PRKCE: variants seen among roughly 807,000 people sequenced by gnomAD.
PRKCE encodes protein kinase C epsilon type.
Under a neutral mutation model 85.4 loss-of-function variants are expected in PRKCE, and 16 were observed. The observed-to-expected ratio is 0.19, with a 90% CI of 0.13 to 0.28. The LOEUF (loss-of-function observed/expected upper bound fraction) is 0.28. PRKCE is among the 10% of genes least tolerant of loss of function. PRKCE has a pLI of 1.00. For synonymous variants in PRKCE, 388 were observed against 371.5 expected (o/e 1.04, Z -0.51); for missense variants, 573 against 975.2 (o/e 0.59, Z 5.49).
At chr2:45,993,102 G>C (rs1049097403) in intron 6 of PRKCE, among the ~76,000 whole-genome samples, 43 of 151,960 alleles carry the variant, frequency 2.8e-4, no homozygotes, top group Non-Finnish European at 5.4e-4. Context: ...GAGTGGATTG[G>C]CAGCAGGGGC....
In PRKCE at chr2:46,186,317, A is replaced by C. The variant is rs910490565; in HGVS notation, c.*1436A>C. On this transcript the variant is annotated 3_prime_UTR_variant, in exon 15 of 15. Coordinates refer to ENST00000306156, the MANE Select transcript of PRKCE (RefSeq NM_005400.3). Reference sequence around the variant, plus strand: ...CACGTGGATTTCCCAGCTGCCCCTAAATATATATACTTGTGAGTGGCAAAG... The same window carrying C: ...CACGTGGATTTCCCAGCTGCCCCTACATATATATACTTGTGAGTGGCAAAG... 1 of 152,596 alleles carries C rather than the reference A, an allele frequency of 6.6e-6. No homozygotes were observed. Among genetic ancestry groups the C allele is most frequent in the Non-Finnish European group, 1.5e-5 (1 of 68,038 alleles). The allele number at this position is 152,596 out of a possible 1,614,324, so 9.5% of individuals were successfully genotyped here. A position where few individuals can be genotyped will look rare whatever the true frequency, so the allele number is the denominator to read the frequency against.
At chr2:45,782,088 G>T (rs1686235174) in intron 1 of PRKCE, among the ~76,000 whole-genome samples, 2 of 152,090 alleles carry the variant, frequency 1.3e-5, no homozygotes, top group African/African-American at 4.8e-5. Context: ...CAAATTAAGG[G>T]CCAGCCTTCA....
At chr2:46,164,139 G>A (rs1049774143) in intron 14 of PRKCE, among the ~76,000 whole-genome samples, 40 of 152,222 alleles carry the variant, frequency 2.6e-4, no homozygotes, top group Non-Finnish European at 1.5e-5. Flanking sequence ...AGGGAAGAGG[G>A]AAAACTGGTT....
intron 1 of PRKCE, among the ~76,000 whole-genome samples, chr2:45,717,648 A>G (rs1434876099): frequency 6.6e-6 from 1 of 152,266 alleles, no homozygotes; most frequent in Non-Finnish European, 1.5e-5. Context: ...GGTGATGATG[A>G]TATTTAATTT....
chr2:46,042,875 C>T (rs1708293947), intron 10 of PRKCE, among the ~76,000 whole-genome samples: 6 of 152,216 alleles, frequency 3.9e-5, no homozygotes, highest in Admixed American at 3.9e-4. Flanking sequence ...TTTTGATTGC[C>T]ACGCAATGTT....
chr2:45,927,709 C>T (rs1044043960), intron 2 of PRKCE, among the ~76,000 whole-genome samples: 2 of 152,222 alleles, frequency 1.3e-5, no homozygotes, highest in Non-Finnish European at 2.9e-5. Flanking sequence ...GAGGCTGATA[C>T]TCTCTCCTGC....
chr2:45,939,397 G>A (rs750638229), intron 2 of PRKCE, among the ~76,000 whole-genome samples: 3 of 152,026 alleles, frequency 2.0e-5, no homozygotes, highest in Non-Finnish European at 2.9e-5. Context: ...CCTTCCTTCC[G>A]CATGTTGCTC....
intron 11 of PRKCE, among the ~76,000 whole-genome samples, chr2:46,131,393 A>T (rs965320): frequency 0.75 from 113,593 of 152,162 alleles, 44,287 homozygotes; most frequent in South Asian, 0.92. Flanking sequence ...GAAGTTACAT[A>T]TCAAGCCATA....
At chr2:46,029,740 T>C (rs1266953635) in intron 10 of PRKCE, among the ~76,000 whole-genome samples, 1 of 151,472 alleles carries the variant, frequency 6.6e-6, no homozygotes, top group Non-Finnish European at 1.5e-5. Flanking sequence ...CTCCTGAGCC[T>C]TAAAGTAAAC....
At chr2:45,728,261 A>T (rs984753352) in intron 1 of PRKCE, among the ~76,000 whole-genome samples, 10 of 152,220 alleles carry the variant, frequency 6.6e-5, no homozygotes, top group Non-Finnish European at 1.2e-4. Flanking sequence ...AGGTTAGGGC[A>T]AGTAGAAATT....
chr2:46,103,676 A>C (rs530380224), intron 11 of PRKCE, among the ~76,000 whole-genome samples: 1 of 152,300 alleles, frequency 6.6e-6, no homozygotes, highest in South Asian at 2.1e-4. Flanking sequence ...ATAAACAGTT[A>C]ATTGGCCCAT....
intron 1 of PRKCE, among the ~76,000 whole-genome samples, chr2:45,842,052 G>A (rs1157003198): frequency 7.7e-6 from 1 of 130,400 alleles, no homozygotes; most frequent in African/African-American, 2.9e-5. Context: ...GGTGATCCAG[G>A]GTTTCCAGAG....
At chr2:45,978,457 C>T (rs1207803448) in intron 3 of PRKCE, 1 of 153,564 alleles carries the variant, frequency 6.5e-6, no homozygotes, top group Non-Finnish European at 1.4e-5. Context: ...TAATGTTGGC[C>T]TTCACCTAGA....
chr2:45,996,218 T>C (rs779923295), intron 6 of PRKCE, among the ~76,000 whole-genome samples: 1 of 152,194 alleles, frequency 6.6e-6, no homozygotes, highest in Non-Finnish European at 1.5e-5. Context: ...TATTCTTCAA[T>C]CTGGCTATAA....
intron 14 of PRKCE, among the ~76,000 whole-genome samples, chr2:46,176,637 CT>C (rs1320134205): frequency 1.3e-5 from 2 of 152,118 alleles, no homozygotes; most frequent in Non-Finnish European, 2.9e-5. Context: ...CCATTTGTAT[CT>C]TTATTCCAGC....
chr2:45,682,551 C>T (rs560538217), intron 1 of PRKCE, among the ~76,000 whole-genome samples: 1 of 152,280 alleles, frequency 6.6e-6, no homozygotes, highest in African/African-American at 2.4e-5. Context: ...CTCAGCCTCC[C>T]AAGTAACTGG....
Position 46,075,772 on chromosome 2 carries a change from T to C in PRKCE, c.1438-10436T>C, listed in dbSNP as rs116122779. 4.8e-3 allele frequency among the ~76,000 whole-genome samples: 733 copies of C among 152,260 alleles called. 2 individuals carry two copies. Among genetic ancestry groups the C allele is most frequent in the Non-Finnish European group, 8.5e-3 (576 of 68,008 alleles). On this transcript the variant is annotated intron_variant, in intron 10 of 14. Transcript: ENST00000306156. ...TCTAAATAAATAGATAAATTATTGA[T>C]AGAATCAAAAAGGGATTTGACTAAG...
intron 1 of PRKCE, among the ~76,000 whole-genome samples, chr2:45,698,791 G>A (rs1048302956): frequency 1.3e-5 from 2 of 152,164 alleles, no homozygotes; most frequent in African/African-American, 2.4e-5. Context: ...ACAGACTTGT[G>A]GAGGGAGTTG....
At chr2:46,049,924 G>A (rs1708750901) in intron 10 of PRKCE, among the ~76,000 whole-genome samples, 1 of 152,204 alleles carries the variant, frequency 6.6e-6, no homozygotes, top group Non-Finnish European at 1.5e-5. Context: ...CACAGTACTG[G>A]TCCTGGTGAG....
Sources: allele counts gnomAD v4.1 joint callset (sites outside exome capture counted in the v4.1 genomes callset), GRCh38; gene constraint gnomAD v4.1.1; transcripts MANE v1.5; gene names NCBI Gene and HGNC (gene_info 2026-07-23, HGNC 2026-07-21).